The following RGS6 variants were observed in gnomAD, a reference collection of about 807,000 sequenced individuals.
RGS6 encodes regulator of G-protein signaling 6.
Under a neutral mutation model 78.5 loss-of-function variants are expected in RGS6, and 30 were observed. The ratio of observed to expected loss-of-function variants is 0.38; its 90% confidence interval spans 0.29 to 0.52. The LOEUF (loss-of-function observed/expected upper bound fraction) is 0.52, where lower values mean the gene tolerates loss of function less well. Among genes scored for constraint, RGS6 ranks in the 20% least tolerant of loss-of-function variants. The pLI, the probability that RGS6 is intolerant of heterozygous loss-of-function variation, is 0.85. For missense variants in RGS6, 495 were observed against 609.7 expected (o/e 0.81, Z 1.98); for synonymous variants, 206 against 206.0 (o/e 1.00, Z 0.00).
intron 17 of RGS6, among the ~76,000 whole-genome samples, chr14:72,561,935 T>C (rs2097681394): frequency 6.6e-6 from 1 of 152,196 alleles, no homozygotes; most frequent in South Asian, 2.1e-4. Context: ...CAAACAGGAC[T>C]CTGCCTTCTT....
intron 11 of RGS6, 126 bp from the exon 12 acceptor site, chr14:72,478,142 A>G: frequency 3.0e-6 from 2 of 665,886 alleles, no homozygotes; most frequent in East Asian, 2.7e-5. Context: ...GAGCTGAGGG[A>G]GTTGGAGATG....
chr14:71,931,876 C>T, upstream of RGS6, among the ~76,000 whole-genome samples: 1 of 152,256 alleles, frequency 6.6e-6, no homozygotes, highest in Non-Finnish European at 1.5e-5. Context: ...TAGGAATCAT[C>T]CTGTAATATT....
intron 2 of RGS6, among the ~76,000 whole-genome samples, chr14:72,135,527 T>G (rs2096419273): frequency 6.6e-6 from 1 of 152,204 alleles, no homozygotes; most frequent in Non-Finnish European, 1.5e-5. Flanking sequence ...TATTTACTAT[T>G]ATAAATGTGT....
At chr14:72,096,009 C>T (rs530353745) in intron 2 of RGS6, among the ~76,000 whole-genome samples, 8 of 152,304 alleles carry the variant, frequency 5.3e-5, no homozygotes, top group African/African-American at 1.9e-4. Context: ...TGGCTCACGC[C>T]TGTAATCCCA....
chr14:72,612,853 TG>T, the RGS6 span, among the ~76,000 whole-genome samples: 1 of 152,184 alleles, frequency 6.6e-6, no homozygotes, highest in African/African-American at 2.4e-5. Flanking sequence ...TTTGCAACCC[TG>T]GTGGCTGTGC....
At chr14:72,256,631 G>C (rs1014751817) in intron 2 of RGS6, among the ~76,000 whole-genome samples, 1 of 152,264 alleles carries the variant, frequency 6.6e-6, no homozygotes, top group South Asian at 2.1e-4. Context: ...CAAGGAGGGG[G>C]TTAGTTTTGG....
intron 2 of RGS6, among the ~76,000 whole-genome samples, chr14:72,040,122 A>G (rs1470467055): frequency 6.6e-6 from 1 of 152,010 alleles, no homozygotes; most frequent in East Asian, 1.9e-4. Context: ...GTTATTTTTT[A>G]AGCTTTTATC....
chr14:72,061,447 A>G (rs2093889086), intron 2 of RGS6, among the ~76,000 whole-genome samples: 1 of 152,180 alleles, frequency 6.6e-6, no homozygotes, highest in Non-Finnish European at 1.5e-5. Context: ...ATAATGAAGA[A>G]GGAACCAGCT....
the RGS6 span, among the ~76,000 whole-genome samples, chr14:71,890,239 A>T: frequency 6.6e-6 from 1 of 152,292 alleles, no homozygotes; most frequent in African/African-American, 2.4e-5. Flanking sequence ...TGTCATTTTA[A>T]TGCTACGTGG....
At chr14:72,272,798 A>G (rs7342517) in intron 2 of RGS6, among the ~76,000 whole-genome samples, 9,703 of 152,274 alleles carry the variant, frequency 0.064, 963 homozygotes, top group African/African-American at 0.22. Flanking sequence ...ATGGCTCTAC[A>G]GTTGAAATAT....
chr14:71,887,198 T>G, the RGS6 span, among the ~76,000 whole-genome samples: 1 of 152,248 alleles, frequency 6.6e-6, no homozygotes, highest in Non-Finnish European at 1.5e-5. Flanking sequence ...CTTTAATTTC[T>G]TAATCCTGTT....
the RGS6 span, among the ~76,000 whole-genome samples, chr14:72,579,413 C>A: frequency 1.3e-5 from 2 of 152,158 alleles, no homozygotes; most frequent in African/African-American, 4.8e-5. Flanking sequence ...GCCAGTCAGC[C>A]AAATAATAAA....
rs985742626 is a variant in RGS6 at position 72,355,606 on chromosome 14, T to C, written c.184+3412T>C. Among the ~76,000 whole-genome samples the C allele has an allele frequency of 2.0e-5, 3 of 152,200 alleles. No individual in the cohort carries two copies. The South Asian group carries it at 6.2e-4, about 32-fold the overall frequency. On this transcript the variant is annotated intron_variant, in intron 3 of 17. Coordinates refer to ENST00000553525, the MANE Select transcript of RGS6 (RefSeq NM_001204424.2). Reference sequence around the variant, plus strand: ...AAACAGATAAAAAGTTCTACCCTCATGGAATTTATATTCTAGTAGAGGAGG... The same window carrying C: ...AAACAGATAAAAAGTTCTACCCTCACGGAATTTATATTCTAGTAGAGGAGG...
chr14:72,052,901 C>T (rs912430565), intron 2 of RGS6, among the ~76,000 whole-genome samples: 2 of 151,900 alleles, frequency 1.3e-5, no homozygotes, highest in African/African-American at 4.8e-5. Context: ...CAGGACAGTG[C>T]ACATGTTCAG....
At chr14:71,945,751 T>G (rs2091416634) in intron 1 of RGS6, among the ~76,000 whole-genome samples, 1 of 152,160 alleles carries the variant, frequency 6.6e-6, no homozygotes. Flanking sequence ...GGAGAATGTG[T>G]TTAAGCGAGA....
chr14:72,089,367 C>T (rs548160907), intron 2 of RGS6, among the ~76,000 whole-genome samples: 47 of 152,306 alleles, frequency 3.1e-4, no homozygotes, highest in Middle Eastern at 3.4e-3. Context: ...ATTTAATAAA[C>T]GCTGTGACCC....
chr14:72,584,915 G>C, the RGS6 span, among the ~76,000 whole-genome samples: 1 of 152,170 alleles, frequency 6.6e-6, no homozygotes, highest in Non-Finnish European at 1.5e-5. Context: ...GCTGTGTCTG[G>C]AGGATTGCAT....
At chr14:72,075,720 A>G (rs1291267524) in intron 2 of RGS6, among the ~76,000 whole-genome samples, 1 of 152,076 alleles carries the variant, frequency 6.6e-6, no homozygotes, top group Non-Finnish European at 1.5e-5. Flanking sequence ...CTCTATATTC[A>G]TACAAAGCTG....
chr14:71,891,593 C>CA, the RGS6 span, among the ~76,000 whole-genome samples: 1 of 152,184 alleles, frequency 6.6e-6, no homozygotes. Flanking sequence ...TTGGTTGAAG[C>CA]AATCACAGGC....
Sources: gnomAD v4.1 joint callset for allele counts (sites outside exome capture counted in the v4.1 genomes callset) on GRCh38, gnomAD v4.1.1 for gene constraint, MANE v1.5 for transcripts, NCBI Gene and HGNC (gene_info 2026-07-23, HGNC 2026-07-21) for gene names.